The following PTPN4 variants were observed in gnomAD, a reference collection of about 807,000 sequenced individuals.
PTPN4 encodes tyrosine-protein phosphatase non-receptor type 4.
In PTPN4, 49 loss-of-function variants were observed where a neutral mutation model predicts 135.5. The ratio of observed to expected loss-of-function variants is 0.36; its 90% CI spans 0.29 to 0.46. The LOEUF (loss-of-function observed/expected upper bound fraction) is 0.46, where lower values mean the gene tolerates loss of function less well. PTPN4 is among the 20% of genes least tolerant of loss of function. The pLI is 1.00. For synonymous variants in PTPN4, 333 were observed against 369.9 expected (o/e 0.90, Z 1.14); for missense variants, 860 against 1,101.0 (o/e 0.78, Z 3.10).
chr2:119,836,543 C>T lies in PTPN4; in HGVS notation c.139-25993C>T, dbSNP rs181093302. On this transcript the variant is annotated intron_variant, in intron 2 of 26. Transcript: ENST00000263708. ...GGGGCTGTGCACTCCACGGAGCCTG[C>T]GGGAGCTGGGAACAGGTGGGAGCCC... is the stretch of plus-strand genomic sequence containing the variant. Among the ~76,000 whole-genome samples, 101 of 152,346 alleles carry T rather than the reference C, an allele frequency of 6.6e-4. 1 individual carries two copies. Among genetic ancestry groups the T allele is most frequent in the African/African-American group, 2.1e-3 (87 of 41,592 alleles).
chr2:119,864,154 C>CA, intron 3 of PTPN4, among the ~76,000 whole-genome samples: 1 of 152,198 alleles, frequency 6.6e-6, no homozygotes, highest in South Asian at 2.1e-4. Flanking sequence ...CATTGACTTA[C>CA]AGAAATAACA....
intron 2 of PTPN4, among the ~76,000 whole-genome samples, chr2:119,859,243 T>C (rs1677724708): frequency 2.0e-5 from 3 of 152,206 alleles, no homozygotes; most frequent in African/African-American, 4.8e-5. Context: ...TTCCTTTCGG[T>C]GTTGACATCT....
intron 10 of PTPN4, among the ~76,000 whole-genome samples, chr2:119,906,037 G>A (rs140720344): frequency 6.6e-6 from 1 of 152,074 alleles, no homozygotes; most frequent in Non-Finnish European, 1.5e-5. Flanking sequence ...GTTTAATGAT[G>A]CATCTCAAGG....
At chr2:119,838,889 T>C (rs967058985) in intron 2 of PTPN4, among the ~76,000 whole-genome samples, 1 of 152,220 alleles carries the variant, frequency 6.6e-6, no homozygotes. Context: ...AACAGCCTAC[T>C]GGGGATTTTG....
In PTPN4 at chr2:119,831,630, T is replaced by C. The variant is rs560665664; in HGVS notation, c.138+21639T>C. Among the ~76,000 whole-genome samples the C allele has an allele frequency of 2.0e-5, 3 of 152,330 alleles. No individual in the cohort carries two copies. The East Asian group carries it at 5.8e-4, about 29-fold the overall frequency. On this transcript the variant is annotated intron_variant, in intron 2 of 26. Coordinates refer to ENST00000263708, the MANE Select transcript of PTPN4 (RefSeq NM_002830.4). ...TAATAATTCTTTGTCCCTGTTAAAC[T>C]CTTTAGCTCTGAAATCTATTTTATT...
chr2:119,793,816 C>G (rs1029280084), intron 1 of PTPN4, among the ~76,000 whole-genome samples: 5 of 139,560 alleles, frequency 3.6e-5, no homozygotes, highest in Non-Finnish European at 7.7e-5. Flanking sequence ...GTGGTTTGAC[C>G]ATATAGTTTG....
intron 2 of PTPN4, among the ~76,000 whole-genome samples, chr2:119,854,614 G>A (rs977227953): frequency 1.2e-4 from 19 of 152,116 alleles, no homozygotes; most frequent in East Asian, 3.9e-4. Context: ...TGCATGGTTC[G>A]TTTTGCAGCA....
At chr2:119,783,752 G>T (rs1348645101) in intron 1 of PTPN4, among the ~76,000 whole-genome samples, 18 of 152,240 alleles carry the variant, frequency 1.2e-4, no homozygotes, top group Admixed American at 1.2e-3. Flanking sequence ...ATAAGTGACA[G>T]AATGTGAGAT....
At chr2:119,825,616 C>G (rs1455378197) in intron 2 of PTPN4, among the ~76,000 whole-genome samples, 1 of 151,976 alleles carries the variant, frequency 6.6e-6, no homozygotes, top group African/African-American at 2.4e-5. Context: ...CTGCCTCAGC[C>G]TCCCGAGTAG....
chr2:119,912,552 T>C (rs1365968415), intron 10 of PTPN4, among the ~76,000 whole-genome samples: 1 of 152,146 alleles, frequency 6.6e-6, no homozygotes, highest in Non-Finnish European at 1.5e-5. Context: ...CAGTATAAAA[T>C]AGTTATATGA....
intron 1 of PTPN4, among the ~76,000 whole-genome samples, chr2:119,767,877 A>G (rs534478762): frequency 6.6e-6 from 1 of 152,296 alleles, no homozygotes; most frequent in South Asian, 2.1e-4. Flanking sequence ...GGGTTTCTCT[A>G]CTGTGAAGTT....
rs746974301 is a variant in PTPN4, at chr2:119,960,961, A to G, written c.2280+8A>G. On this transcript the variant is annotated splice_region_variant and intron_variant, in intron 23 of 26. Transcript: ENST00000263708. ...CAAGTTGAACGTGGCAGAGTAAGTC[A>G]TAGTTGAATCTTACACATTGCTTGG... is the stretch of plus-strand genomic sequence containing the variant. 6.2e-7 allele frequency: 1 copy of G among 1,609,502 alleles called. No individual in the cohort carries two copies. The highest frequency in any genetic ancestry group is 1.7e-5 in the Admixed American group (1 of 58,880).
chr2:119,804,982 G>A (rs1427928532), intron 1 of PTPN4, among the ~76,000 whole-genome samples: 3 of 152,070 alleles, frequency 2.0e-5, no homozygotes, highest in Non-Finnish European at 2.9e-5. Context: ...TAACTGGCAT[G>A]AGATGGTATC....
Position 119,956,858 on chromosome 2 carries a change from A to G in PTPN4, c.1995A>G (p.Lys665=). The G allele has an allele frequency of 6.3e-7, 1 of 1,591,488 alleles. No homozygotes were observed. Among genetic ancestry groups the G allele is most frequent in the Non-Finnish European group, 8.5e-7 (1 of 1,174,286 alleles). Residue 665 remains lysine, a synonymous_variant, in exon 21 of 27, where the codon AAA becomes AAG. Coordinates refer to ENST00000263708, the MANE Select transcript of PTPN4 (RefSeq NM_002830.4). ...TTTTTTTTTAGCAACTGTATCGGAA[A>G]AAACCTGGAATGACAATGTCCTGTG... is the stretch of plus-strand genomic sequence containing the variant. The part of the protein sequence containing the change: ...VLTQFDQLYR[K]KPGMTMSCAK...
intron 1 of PTPN4, among the ~76,000 whole-genome samples, chr2:119,807,284 C>G (rs1691490775): frequency 6.6e-6 from 1 of 152,034 alleles, no homozygotes; most frequent in African/African-American, 2.4e-5. Flanking sequence ...TCAATGAATC[C>G]AGAAGCTGGT....
chr2:119,855,219 G>A lies in PTPN4; in HGVS notation c.139-7317G>A, dbSNP rs942195837. ...AGTTAAATCTCCATACAAGGGCATA[G>A]AAATGATAGATCTCTTTGTCCAGCA... On this transcript the variant is annotated intron_variant, in intron 2 of 26. Transcript: ENST00000263708. 3.7e-4 allele frequency among the ~76,000 whole-genome samples: 57 copies of A among 152,128 alleles called. 1 individual carries two copies. The highest frequency in any genetic ancestry group is 1.3e-3 in the African/African-American group (53 of 41,410).
intron 14 of PTPN4, among the ~76,000 whole-genome samples, 185 bp downstream of exon 14, chr2:119,932,734 A>G (rs1052203251): frequency 1.3e-5 from 2 of 152,164 alleles, no homozygotes; most frequent in African/African-American, 4.8e-5. Flanking sequence ...GTAACATGGT[A>G]TAGACTTGCG....
At chr2:119,953,087 T>A (rs1574419014) in intron 19 of PTPN4, among the ~76,000 whole-genome samples, 1 of 152,200 alleles carries the variant, frequency 6.6e-6, no homozygotes, top group South Asian at 2.1e-4. Context: ...CCAGTGTTCA[T>A]ATGGCATTGT....
intron 15 of PTPN4, among the ~76,000 whole-genome samples, chr2:119,936,717 A>T (rs959381144): frequency 6.6e-6 from 1 of 152,094 alleles, no homozygotes; most frequent in African/African-American, 2.4e-5. Context: ...ATCTCAAAAC[A>T]CCTTTATTCT....
Sources: allele counts gnomAD v4.1 joint callset (sites outside exome capture counted in the v4.1 genomes callset), GRCh38; gene constraint gnomAD v4.1.1; transcripts MANE v1.5; gene names NCBI Gene and HGNC (gene_info 2026-07-23, HGNC 2026-07-21).